Variants in CTNND2 observed in about 807,000 individuals in gnomAD.
CTNND2 encodes the protein catenin delta 2.
A neutral mutation model predicts 144.4 loss-of-function variants in CTNND2; 22 were observed. The observed-to-expected ratio is 0.15, with a 90% CI of 0.11 to 0.22. CTNND2 has a LOEUF of 0.22. CTNND2 is among the 10% of genes least tolerant of loss of function. The probability of loss-of-function intolerance (pLI) is 1.00; values close to 1 mark genes in which losing one functional copy is unlikely to be tolerated. For synonymous variants in CTNND2, 751 were observed against 695.6 expected, an observed-to-expected ratio of 1.08 and a Z score of -1.25; for missense variants, 1,353 against 1,618.8, an observed-to-expected ratio of 0.84 and a Z score of 2.82.
chr5:10,980,099 C>T (rs186463622), intron 21 of CTNND2, among the ~76,000 whole-genome samples: 1 of 152,202 alleles, frequency 6.6e-6, no homozygotes, highest in East Asian at 1.9e-4. Flanking sequence ...AAGAAACTAT[C>T]ATCAGAGTGA....
intron 1 of CTNND2, among the ~76,000 whole-genome samples, chr5:11,843,347 G>A (rs1301021590): frequency 4.6e-5 from 7 of 152,140 alleles, no homozygotes; most frequent in Non-Finnish European, 1.0e-4. Context: ...AACATCATCA[G>A]AGGGACTGAC....
chr5:11,234,211 GCA>G, intron 10 of CTNND2, among the ~76,000 whole-genome samples: 2 of 151,714 alleles, frequency 1.3e-5, no homozygotes, highest in Non-Finnish European at 2.9e-5. Flanking sequence ...AGAGACACAG[GCA>G]CACACACAGA....
intron 2 of CTNND2, among the ~76,000 whole-genome samples, chr5:11,584,542 C>A (rs1778685701): frequency 6.6e-6 from 1 of 151,692 alleles, no homozygotes; most frequent in Admixed American, 6.6e-5. Context: ...TGGAGAAGAT[C>A]ACAATGTAAT....
chr5:11,673,918 T>C (rs1581702336), intron 2 of CTNND2, among the ~76,000 whole-genome samples: 1 of 152,188 alleles, frequency 6.6e-6, no homozygotes, highest in Admixed American at 6.6e-5. Context: ...TTTTGATTTG[T>C]GCATGTCCTC....
intron 2 of CTNND2, among the ~76,000 whole-genome samples, chr5:11,694,798 ATTTCT>A (rs1299592705): frequency 6.6e-6 from 1 of 152,156 alleles, no homozygotes; most frequent in Non-Finnish European, 1.5e-5. Flanking sequence ...TGTCATAAAT[ATTTCT>A]TTTCAAGCAG....
intron 9 of CTNND2, among the ~76,000 whole-genome samples, chr5:11,239,905 G>A (rs1280199129): frequency 6.6e-6 from 1 of 152,202 alleles, no homozygotes; most frequent in Non-Finnish European, 1.5e-5. Flanking sequence ...GGTAGGCTCT[G>A]AGGCCAGGGC....
intron 20 of CTNND2, among the ~76,000 whole-genome samples, chr5:10,986,387 C>T (rs1224527364): frequency 2.0e-5 from 3 of 152,240 alleles, no homozygotes. Context: ...CAGTCGATCT[C>T]ACAACTGTTC....
At chr5:11,769,061 T>C (rs1386073601) in intron 1 of CTNND2, among the ~76,000 whole-genome samples, 1 of 152,194 alleles carries the variant, frequency 6.6e-6, no homozygotes, top group Admixed American at 6.5e-5. Context: ...CAAACTTCAA[T>C]ATGCATCCGA....
intron 5 of CTNND2, among the ~76,000 whole-genome samples, chr5:11,409,013 C>T (rs1761309884): frequency 6.6e-6 from 1 of 151,802 alleles, no homozygotes; most frequent in Admixed American, 6.6e-5. Flanking sequence ...TAAGATTTTC[C>T]CCAAATAAGT....
chr5:11,344,187 G>A lies in CTNND2; in HGVS notation c.1628+2185C>T, dbSNP rs547336183. ...TGGGAGGCCGAGGCGGGTGGATCAC[G>A]AGGTCAGGAGATCGAGACCACGGTG... On this transcript the variant is annotated intron_variant, in intron 9 of 21. Transcript: ENST00000304623. Among the ~76,000 whole-genome samples, 9 of 152,216 alleles carry A rather than the reference G, an allele frequency of 5.9e-5. 1 individual carries two copies. The South Asian group carries it at 1.7e-3, about 28-fold the overall frequency.
At chr5:11,380,680 T>C (rs1000964685) in intron 7 of CTNND2, among the ~76,000 whole-genome samples, 3 of 152,222 alleles carry the variant, frequency 2.0e-5, no homozygotes, top group Non-Finnish European at 2.9e-5. Context: ...TGAATTGTAG[T>C]GTTTTCCCAG....
chr5:11,815,783 G>A (rs1792597483), intron 1 of CTNND2, among the ~76,000 whole-genome samples: 1 of 152,172 alleles, frequency 6.6e-6, no homozygotes, highest in Non-Finnish European at 1.5e-5. Flanking sequence ...GCTGAGAGCA[G>A]CGACCATCAG....
At chr5:11,178,953 C>G (rs1054972649) in intron 11 of CTNND2, among the ~76,000 whole-genome samples, 5 of 152,010 alleles carry the variant, frequency 3.3e-5, no homozygotes, top group African/African-American at 1.2e-4. Context: ...TTAAAATTAC[C>G]CCACTGAGAT....
chr5:11,067,078 G>A (rs151113072), intron 16 of CTNND2, among the ~76,000 whole-genome samples: 1 of 152,294 alleles, frequency 6.6e-6, no homozygotes, highest in Admixed American at 6.5e-5. Flanking sequence ...AGGGACAAGA[G>A]GGAAGAGCTT....
intron 1 of CTNND2, among the ~76,000 whole-genome samples, chr5:11,891,969 C>T (rs144409322): frequency 1.3e-5 from 2 of 150,776 alleles, no homozygotes; most frequent in South Asian, 2.1e-4. Context: ...ACTCAATTAT[C>T]CACTCAGTGC....
At chr5:11,231,515 C>T (rs148505729) in intron 10 of CTNND2, among the ~76,000 whole-genome samples, 107 of 152,282 alleles carry the variant, frequency 7.0e-4, no homozygotes, top group African/African-American at 2.3e-3. Context: ...ATGACTCTTG[C>T]TATGCTTTAG....
intron 9 of CTNND2, among the ~76,000 whole-genome samples, chr5:11,317,229 G>T (rs1392103789): frequency 6.6e-6 from 1 of 152,140 alleles, no homozygotes; most frequent in Non-Finnish European, 1.5e-5. Context: ...CGAGCCCAGG[G>T]TCACACAGCT....
intron 11 of CTNND2, among the ~76,000 whole-genome samples, chr5:11,165,974 C>T (rs1401286034): frequency 3.3e-5 from 5 of 152,128 alleles, no homozygotes; most frequent in South Asian, 2.1e-4. Context: ...CAGGACTTTA[C>T]GACAGCCCAC....
At chr5:11,040,770 A>G (rs1744615743) in intron 16 of CTNND2, among the ~76,000 whole-genome samples, 1 of 152,252 alleles carries the variant, frequency 6.6e-6, no homozygotes, top group African/African-American at 2.4e-5. Flanking sequence ...ACATTTTAAC[A>G]GGATTTAAAT....
Sources: allele counts gnomAD v4.1 joint callset (sites outside exome capture counted in the v4.1 genomes callset), GRCh38; gene constraint gnomAD v4.1.1; transcripts MANE v1.5; gene names NCBI Gene and HGNC (gene_info 2026-07-23, HGNC 2026-07-21).